DMRT2: variants seen among roughly 807,000 people sequenced by gnomAD.
The protein encoded by DMRT2 is doublesex- and mab-3-related transcription factor 2.
DMRT2 carries 33 observed loss-of-function variants against 43.5 expected under a neutral mutation model. The observed-to-expected ratio is 0.76, with a 90% CI of 0.58 to 1.01. The LOEUF is 1.01. Among genes scored for constraint, DMRT2 ranks in the 50% least tolerant of loss-of-function variants. DMRT2 has a pLI of 0.00. For missense variants in DMRT2, 1,064 were observed against 748.0 expected (o/e 1.42, Z -4.93); for synonymous variants, 395 against 309.2 (o/e 1.28, Z -2.91).
chr9:1,051,974 C>T lies in DMRT2; in HGVS notation c.361C>T (p.Pro121Ser). ...GGAGCCGCGCAAGCTGAGCCGCACG[C>T]CCAAGTGCGCGCGCTGCCGCAACCA... ...GAEPRKLSRTPKCARCRNHGV... is the reference protein window; with the variant it reads ...GAEPRKLSRTSKCARCRNHGV... Residue 121 changes from proline to serine, a missense_variant, in exon 2 of 4, where the codon CCC (proline) becomes TCC (serine). Transcript: ENST00000358146. The surrounding 1 kb of genome is among the most constrained non-coding windows in gnomAD (Gnocchi z 5.9). 1 of 1,439,856 alleles carries T rather than the reference C, an allele frequency of 6.9e-7. No individual in the cohort carries two copies. The highest frequency in any genetic ancestry group is 9.1e-7 in the Non-Finnish European group (1 of 1,102,428). The allele number at this position is 1,439,856 out of a possible 1,614,324, so 89.2% of individuals were successfully genotyped here.
chr9:1,057,155 A>G lies in DMRT2; in HGVS notation c.1568A>G (p.Lys523Arg), dbSNP rs751821481. 6.2e-6 allele frequency: 10 copies of G among 1,613,998 alleles called. No individual in the cohort carries two copies. The highest frequency in any genetic ancestry group is 8.5e-6 in the Non-Finnish European group (10 of 1,180,032). Residue 523 changes from lysine to arginine, a missense_variant, in exon 4 of 4, where the codon AAA (lysine) becomes AGA (arginine). Transcript: ENST00000358146. Reference sequence around the variant, plus strand: ...ACATTTACAATAGATAGATGTGCAAAAGACCTTTTTGTAGCCAAACAAGTT... The same window carrying G: ...ACATTTACAATAGATAGATGTGCAAGAGACCTTTTTGTAGCCAAACAAGTT... ...KYTFTIDRCA[K>R]DLFVAKQVGT...
chr9:1,052,786 C>A (rs1217344497), intron 2 of DMRT2, among the ~76,000 whole-genome samples: 1 of 152,160 alleles, frequency 6.6e-6, no homozygotes, highest in African/African-American at 2.4e-5. Flanking sequence ...GCTTTCTTTC[C>A]GAGAGACGCT....
At chr9:1,050,963 T>C (rs1157615654) in intron 1 of DMRT2, among the ~76,000 whole-genome samples, 188 bp downstream of exon 1, 1 of 152,196 alleles carries the variant, frequency 6.6e-6, no homozygotes, top group African/African-American at 2.4e-5. Flanking sequence ...TGTATTGTGC[T>C]CTTTGCCCTT....
chr9:1,053,649 A>C (rs1821767982), intron 2 of DMRT2, 73 bp from the exon 3 acceptor site: 1 of 1,260,468 alleles, frequency 7.9e-7, no homozygotes, highest in Admixed American at 2.1e-5. Context: ...AGATTTACGG[A>C]CATCCCGTCC....
At chr9:1,052,686 C>A (rs7849591) in intron 2 of DMRT2, among the ~76,000 whole-genome samples, 5,345 of 152,186 alleles carry the variant, frequency 0.035, 282 homozygotes, top group African/African-American at 0.12. Context: ...GTCATCAATC[C>A]GAAGCTACTG....
At position 1,056,327 on chromosome 9, in the gene DMRT2, A is replaced by G. The variant is rs137937636; in HGVS notation, c.740A>G (p.Asn247Ser). 6 of 1,614,120 alleles carry G rather than the reference A, an allele frequency of 3.7e-6. No individual in the cohort carries two copies. Among genetic ancestry groups the G allele is most frequent in the Non-Finnish European group, 4.2e-6 (5 of 1,180,060 alleles). ...GCCTTTGCTGATAAAGAGTTGGAGA[A>G]CATTATGCTGGAGAGAGAATATAAA... The part of the protein sequence containing the change: ...RRAFADKELE[N>S]IMLEREYKER... Residue 247 changes from asparagine (N) to serine (S), a missense_variant, in exon 4 of 4, where the codon AAC becomes AGC. Coordinates refer to ENST00000358146, the MANE Select transcript of DMRT2 (RefSeq NM_181872.6).
At position 1,057,132 on chromosome 9, in the gene DMRT2, A is replaced by AT. The variant is rs1446814343; in HGVS notation, c.1548dup (p.Thr517TyrfsTer4). On this transcript the variant is annotated frameshift_variant, in exon 4 of 4. Transcript: ENST00000358146. LOFTEE classifies it high-confidence loss of function. ...TAGTTAAGGACAACCAGAAGTACAC[A>AT]TTTACAATAGATAGATGTGCAAAAG... 2.0e-5 allele frequency: 33 copies of AT among 1,614,048 alleles called. No homozygotes were observed. The highest frequency in any genetic ancestry group is 2.5e-5 in the Non-Finnish European group (29 of 1,180,046).
Position 1,051,474 on chromosome 9 carries a change from G to A in DMRT2, c.-44-96G>A, listed in dbSNP as rs767940226. The A allele has an allele frequency of 4.0e-5, 55 of 1,370,040 alleles. No homozygotes were observed. Among genetic ancestry groups the A allele is most frequent in the Non-Finnish European group, 4.8e-5 (51 of 1,060,490 alleles). The allele number at this position is 1,370,040 out of a possible 1,614,324, so 84.9% of individuals were successfully genotyped here. On this transcript the variant is annotated intron_variant, in intron 1 of 3. Coordinates refer to ENST00000358146, the MANE Select transcript of DMRT2 (RefSeq NM_181872.6). This position sits in a 1 kb window ranked among gnomAD's most constrained non-coding sequence, Gnocchi z 5.9. ...TAATGAGAACAGGATGACTCAAGCG[G>A]CCGGAGGCGGGCAGACCAGGAGCTT...
intron 1 of DMRT2, 86 bp downstream of exon 1, chr9:1,050,861 T>C: frequency 6.6e-6 from 1 of 152,416 alleles, no homozygotes; most frequent in Non-Finnish European, 1.5e-5. Flanking sequence ...TTGGATGCCT[T>C]ACCTTAAATA....
At chr9:1,053,655 C>T (rs926523178) in intron 2 of DMRT2, 67 bp from the exon 3 acceptor site, 8 of 1,325,318 alleles carry the variant, frequency 6.0e-6, no homozygotes, top group Admixed American at 3.9e-5. Context: ...ACGGACATCC[C>T]GTCCTTCCCC....
chr9:1,055,118 C>T (rs1214778497), intron 3 of DMRT2, among the ~76,000 whole-genome samples: 1 of 152,186 alleles, frequency 6.6e-6, no homozygotes. Context: ...CTTGTGAAGT[C>T]TGAGGACTAA....
At chr9:1,050,986 T>C (rs1821529360) in intron 1 of DMRT2, among the ~76,000 whole-genome samples, 1 of 152,152 alleles carries the variant, frequency 6.6e-6, no homozygotes, top group African/African-American at 2.4e-5. Context: ...GGGACGCTAA[T>C]GACAACAAAA....
chr9:1,051,716 C>T lies in DMRT2; in HGVS notation c.103C>T (p.Pro35Ser). Residue 35 changes from proline to serine, a missense_variant, in exon 2 of 4, where the codon CCC becomes TCC. Coordinates refer to ENST00000358146, the MANE Select transcript of DMRT2 (RefSeq NM_181872.6). This position sits in a 1 kb window ranked among gnomAD's most constrained non-coding sequence, Gnocchi z 5.9. ...DVCGAPRSTP[P>S]GPSPPPADGD... is the part of the protein sequence containing the mutation. ...CTGCGGGGCGCCGCGGTCCACGCCCCCCGGGCCCAGCCCGCCGCCGGCGGA... is the reference window on the plus strand; with the variant it reads ...CTGCGGGGCGCCGCGGTCCACGCCCTCCGGGCCCAGCCCGCCGCCGGCGGA... 1.9e-6 allele frequency: 3 copies of T among 1,542,814 alleles called. No individual in the cohort carries two copies. The highest frequency in any genetic ancestry group is 2.6e-6 in the Non-Finnish European group (3 of 1,149,616).
rs773017461 is a variant in DMRT2 at position 1,056,565 on chromosome 9, C to T, written c.978C>T (p.Val326=). 1.9e-6 allele frequency: 3 copies of T among 1,614,206 alleles called. No homozygotes were observed. Among genetic ancestry groups the T allele is most frequent in the East Asian group, 2.2e-5 (1 of 44,880 alleles). Residue 326 remains valine (V), a synonymous_variant, in exon 4 of 4, where the codon GTC becomes GTT. Coordinates refer to ENST00000358146, the MANE Select transcript of DMRT2 (RefSeq NM_181872.6). ...ATATGGAACTAATTTCTTCTAATGT[C>T]AGCGTGGCCACAACTTATAGACAGT... The part of the protein sequence containing the change: ...SGNMELISSN[V]SVATTYRQYP...
In DMRT2 at chr9:1,056,995, C is replaced by T. The variant is rs267602063; in HGVS notation, c.1408C>T (p.Pro470Ser). 2 of 1,614,198 alleles carry T rather than the reference C, an allele frequency of 1.2e-6. No homozygotes were observed. The highest frequency in any genetic ancestry group is 1.3e-5 in the African/African-American group (1 of 75,044). Reference sequence around the variant, plus strand: ...GCACCCTCTGCCACTTAGACATAATCCATTCCACTCATTATTCCAGCAAAC... The same window carrying T: ...GCACCCTCTGCCACTTAGACATAATTCATTCCACTCATTATTCCAGCAAAC... ...TRHPLPLRHNPFHSLFQQTLT... is the reference protein window; with the variant it reads ...TRHPLPLRHNSFHSLFQQTLT... The change falls in exon 4 of 4, where the codon CCA becomes TCA. Residue 470 changes from proline to serine, a missense_variant. Pro to Ser is a moderately conservative substitution (Grantham distance 74, BLOSUM62 -1). Transcript: ENST00000358146.
At position 1,052,003 on chromosome 9, in the gene DMRT2, C is replaced by T. The variant is rs764886423; in HGVS notation, c.390C>T (p.Gly130=). The part of the protein sequence containing the change: ...TPKCARCRNH[G]VVSCLKGHKR... ...AGTGCGCGCGCTGCCGCAACCACGG[C>T]GTGGTGTCCTGCCTGAAGGGCCACA... Residue 130 remains glycine, a synonymous_variant, in exon 2 of 4, where the codon GGC becomes GGT. Transcript: ENST00000358146. The T allele has an allele frequency of 2.1e-6, 3 of 1,460,374 alleles. No homozygotes were observed. Among genetic ancestry groups the T allele is most frequent in the South Asian group, 1.3e-5 (1 of 75,924 alleles). 90.5% of individuals were successfully genotyped at this position (1,460,374 alleles called of 1,614,324 possible). A position where few individuals can be genotyped will look rare whatever the true frequency, so the allele number is the denominator to read the frequency against.
Position 1,051,791 on chromosome 9 carries a change from G to A in DMRT2, c.178G>A (p.Glu60Lys), listed in dbSNP as rs775882642. 1 of 1,509,152 alleles carries A rather than the reference G, an allele frequency of 6.6e-7. No individual in the cohort carries two copies. Among genetic ancestry groups the A allele is most frequent in the Admixed American group, 2.1e-5 (1 of 46,618 alleles). 93.5% of individuals were successfully genotyped at this position (1,509,152 alleles called of 1,614,324 possible). The change falls in exon 2 of 4, where the codon GAA becomes AAA. Residue 60 changes from glutamate (E) to lysine (K), a missense_variant. Coordinates refer to ENST00000358146, the MANE Select transcript of DMRT2 (RefSeq NM_181872.6). The surrounding 1 kb of genome is among the most constrained non-coding windows in gnomAD (Gnocchi z 5.9). ...TGACGACGGGGTGGACGAAGACGCG[G>A]AAGAAGAGGGCGACGGCGAGGAGGC... ...EDDDGVDEDA[E>K]EEGDGEEAGA... is the part of the protein sequence containing the mutation.
intron 3 of DMRT2, chr9:1,055,715 T>G (rs1235124549): frequency 2.0e-6 from 3 of 1,490,996 alleles, no homozygotes; most frequent in Non-Finnish European, 2.7e-6. Context: ...TTTCTCTTTT[T>G]TCCTAGTTCT....
In DMRT2 at chr9:1,056,579, C is replaced by T. The variant is rs376262081; in HGVS notation, c.992C>T (p.Thr331Ile). The T allele has an allele frequency of 6.2e-7, 1 of 1,614,208 alleles. No individual in the cohort carries two copies. ...LISSNVSVAT[T>I]YRQYPLSSRF... ...TCTTCTAATGTCAGCGTGGCCACAA[C>T]TTATAGACAGTATCCCTTGTCCTCA... The change falls in exon 4 of 4, where the codon ACT (threonine) becomes ATT (isoleucine). Residue 331 changes from threonine to isoleucine, a missense_variant. Thr to Ile is a moderately conservative substitution (Grantham distance 89). Transcript: ENST00000358146.
Sources: gnomAD v4.1 joint callset for allele counts (sites outside exome capture counted in the v4.1 genomes callset) on GRCh38, gnomAD v4.1.1 for gene constraint, Gnocchi (gnomAD v3.1) non-coding constraint, MANE v1.5 for transcripts, NCBI Gene and HGNC (gene_info 2026-07-23, HGNC 2026-07-21) for gene names.